MSRA: variants seen among roughly 807,000 people sequenced by gnomAD.
The protein encoded by MSRA is methionine sulfoxide reductase A.
A neutral mutation model predicts 31.3 loss-of-function variants in MSRA; 54 were observed. That is an observed-to-expected ratio of 1.73 (90% CI 1.39 to 2.17). The LOEUF is 2.17. Among genes scored for constraint, MSRA ranks in the 30% most tolerant of loss-of-function variants. The pLI, the probability that MSRA is intolerant of heterozygous loss-of-function variation, is 0.00. For synonymous variants in MSRA, 169 were observed against 116.5 expected, an observed-to-expected ratio of 1.45 and a Z score of -2.90; for missense variants, 507 against 300.9, an observed-to-expected ratio of 1.69 and a Z score of -5.07.
At position 10,066,910 on chromosome 8, in the gene MSRA, G is replaced by C. The variant is rs191378763; in HGVS notation, c.142+12252G>C. ...TTTTTCGAGCAGTTTTAGGTTTACA[G>C]AAAAATTGAGTGGAAAGTACAGAGT... On this transcript the variant is annotated intron_variant, in intron 1 of 5. Transcript: ENST00000317173. 1.5e-3 allele frequency among the ~76,000 whole-genome samples: 228 copies of C among 150,374 alleles called. 2 individuals carry two copies. Among genetic ancestry groups the C allele is most frequent in the African/African-American group, 5.1e-3 (207 of 40,780 alleles).
intron 2 of MSRA, among the ~76,000 whole-genome samples, chr8:10,216,359 C>A (rs1420926224): frequency 6.6e-6 from 1 of 152,132 alleles, no homozygotes; most frequent in Non-Finnish European, 1.5e-5. Context: ...CTAGCAGCAA[C>A]ATGAAGAAAA....
intron 3 of MSRA, among the ~76,000 whole-genome samples, chr8:10,247,611 C>A (rs747186752): frequency 2.6e-5 from 4 of 152,124 alleles, no homozygotes; most frequent in African/African-American, 9.7e-5. Context: ...AGTATGGAAA[C>A]CACAGAGACT....
intron 5 of MSRA, among the ~76,000 whole-genome samples, chr8:10,367,708 G>A (rs1805247315): frequency 6.6e-6 from 1 of 152,232 alleles, no homozygotes; most frequent in South Asian, 2.1e-4. Flanking sequence ...CCGATCGCGG[G>A]CATCCCATTG....
At chr8:10,403,420 T>A (rs79639101) in intron 5 of MSRA, among the ~76,000 whole-genome samples, 74 of 152,270 alleles carry the variant, frequency 4.9e-4, no homozygotes, top group African/African-American at 1.8e-3. Context: ...GATGATGGGA[T>A]CCCTTCTCCA....
chr8:10,393,997 G>A (rs140274677), intron 5 of MSRA, among the ~76,000 whole-genome samples: 5 of 152,180 alleles, frequency 3.3e-5, no homozygotes, highest in African/African-American at 1.2e-4. Flanking sequence ...GCAATCTGTG[G>A]CCAATTAGAG....
At chr8:10,245,017 C>A in intron 2 of MSRA, 87 bp from the exon 3 acceptor site, 1 of 1,181,910 alleles carries the variant, frequency 8.5e-7, no homozygotes, top group Non-Finnish European at 1.1e-6. Flanking sequence ...TTTTTTTTTT[C>A]TTCATGTAAC....
At chr8:10,345,323 T>G (rs1322662787) in intron 5 of MSRA, among the ~76,000 whole-genome samples, 1 of 152,182 alleles carries the variant, frequency 6.6e-6, no homozygotes, top group Non-Finnish European at 1.5e-5. Flanking sequence ...TAGATGGGAA[T>G]AGGTTACTAA....
chr8:10,345,943 C>CG (rs1803745177), intron 5 of MSRA, among the ~76,000 whole-genome samples: 1 of 152,254 alleles, frequency 6.6e-6, no homozygotes, highest in Non-Finnish European at 1.5e-5. Context: ...GCAACCTACT[C>CG]TAACCACTTG....
At chr8:10,147,533 C>G (rs373686811) in intron 1 of MSRA, among the ~76,000 whole-genome samples, 2 of 152,220 alleles carry the variant, frequency 1.3e-5, no homozygotes, top group Non-Finnish European at 2.9e-5. Flanking sequence ...GTGACACACT[C>G]TGTCTCCTAC....
At chr8:10,056,255 C>A (rs1184490728) in intron 1 of MSRA, among the ~76,000 whole-genome samples, 1 of 148,100 alleles carries the variant, frequency 6.8e-6, no homozygotes, top group Non-Finnish European at 1.5e-5. Flanking sequence ...GTTCAGATTT[C>A]CAAACTGGTT....
chr8:10,309,582 C>T (rs750070865), intron 4 of MSRA, among the ~76,000 whole-genome samples: 21 of 152,216 alleles, frequency 1.4e-4, no homozygotes, highest in Non-Finnish European at 2.5e-4. Flanking sequence ...ACCTGCAGCA[C>T]AGCTCCCAGT....
intron 4 of MSRA, among the ~76,000 whole-genome samples, chr8:10,306,045 C>T (rs1355254537): frequency 6.6e-6 from 1 of 152,126 alleles, no homozygotes; most frequent in African/African-American, 2.4e-5. Context: ...AAGATAGTTC[C>T]TTTAGGCTTC....
At chr8:10,268,494 C>T (rs985402672) in intron 3 of MSRA, among the ~76,000 whole-genome samples, 6 of 152,224 alleles carry the variant, frequency 3.9e-5, no homozygotes, top group African/African-American at 1.4e-4. Context: ...CAGCACCATC[C>T]TTCTCTTTTC....
chr8:10,170,303 G>C (rs1805485391), intron 1 of MSRA, among the ~76,000 whole-genome samples: 1 of 152,144 alleles, frequency 6.6e-6, no homozygotes, highest in African/African-American at 2.4e-5. Flanking sequence ...TAAGTCATAA[G>C]GGTGGAGCCC....
chr8:10,100,569 A>C (rs1207768844), intron 1 of MSRA, among the ~76,000 whole-genome samples: 1 of 152,108 alleles, frequency 6.6e-6, no homozygotes, highest in Non-Finnish European at 1.5e-5. Context: ...GAACATGGTG[A>C]AACAGGGGAG....
chr8:10,335,062 G>A (rs1202612178), intron 5 of MSRA, among the ~76,000 whole-genome samples: 2 of 152,212 alleles, frequency 1.3e-5, no homozygotes, highest in Non-Finnish European at 2.9e-5. Context: ...CCTGGGCATG[G>A]TGCGTTGCAG....
At chr8:10,109,883 C>G (rs905028230) in intron 1 of MSRA, among the ~76,000 whole-genome samples, 3 of 152,154 alleles carry the variant, frequency 2.0e-5, no homozygotes, top group African/African-American at 7.2e-5. Flanking sequence ...CTGAATATGG[C>G]CTTAGGCTCT....
intron 5 of MSRA, among the ~76,000 whole-genome samples, chr8:10,426,748 G>C (rs569740928): frequency 6.6e-6 from 1 of 152,220 alleles, no homozygotes; most frequent in South Asian, 2.1e-4. Context: ...CTTCCTTCCC[G>C]TGGCTGTTGT....
rs190262225 is a variant in MSRA, at chr8:10,358,461, G to A, written c.543+38472G>A. Among the ~76,000 whole-genome samples, 1,155 of 150,472 alleles carry A rather than the reference G, an allele frequency of 7.7e-3. 8 individuals carry two copies. Among genetic ancestry groups the A allele is most frequent in the Non-Finnish European group, 0.012 (822 of 67,890 alleles). On this transcript the variant is annotated intron_variant, in intron 5 of 5. Coordinates refer to ENST00000317173, the MANE Select transcript of MSRA (RefSeq NM_012331.5). ...TATAACCTAGGGGTCCCCAACCCCC[G>A]GTTCTGGCCTATGGCCTGTTAGGAA...
Sources: gnomAD v4.1 joint callset for allele counts (sites outside exome capture counted in the v4.1 genomes callset) on GRCh38, gnomAD v4.1.1 for gene constraint, MANE v1.5 for transcripts, NCBI Gene and HGNC (gene_info 2026-07-23, HGNC 2026-07-21) for gene names.